MYO9B: variants seen among roughly 807,000 people sequenced by gnomAD.
The protein encoded by MYO9B is myosin IXB.
MYO9B carries 71 observed loss-of-function variants against 229.5 expected under a neutral mutation model. The observed-to-expected ratio is 0.31, with a 90% CI of 0.26 to 0.38. The LOEUF (loss-of-function observed/expected upper bound fraction) is 0.38, where lower values mean the gene tolerates loss of function less well. Among genes scored for constraint, MYO9B ranks in the 10% least tolerant of loss-of-function variants. The pLI, the probability that MYO9B is intolerant of heterozygous loss-of-function variation, is 1.00. For synonymous variants in MYO9B, 1,185 were observed against 1,235.8 expected (o/e 0.96, Z 0.86); for missense variants, 2,255 against 2,920.5 (o/e 0.77, Z 5.25).
At chr19:17,200,851 CA>C in intron 26 of MYO9B, 22 bp downstream of exon 26, 6 of 1,609,060 alleles carry the variant, frequency 3.7e-6, no homozygotes, top group Non-Finnish European at 5.1e-6. Flanking sequence ...AGGCGAGGGC[CA>C]GGGGCATGAG....
At chr19:17,145,106 C>T (rs767226959) in intron 2 of MYO9B, among the ~76,000 whole-genome samples, 6 of 151,894 alleles carry the variant, frequency 4.0e-5, no homozygotes, top group African/African-American at 1.2e-4. Context: ...GGTGAAACCC[C>T]GTCTCTACTA....
intron 2 of MYO9B, among the ~76,000 whole-genome samples, chr19:17,117,518 T>G (rs1429449067): frequency 6.6e-6 from 1 of 152,172 alleles, no homozygotes; most frequent in African/African-American, 2.4e-5. Context: ...AAGGGATGAC[T>G]TAGCAGTGGT....
intron 1 of MYO9B, among the ~76,000 whole-genome samples, chr19:17,086,344 G>A (rs1012849882): frequency 1.3e-5 from 2 of 152,184 alleles, no homozygotes. Flanking sequence ...CCTCGCCTGG[G>A]CTGCTGTCCT....
chr19:17,210,505 T>A lies in MYO9B; in HGVS notation c.5796+125T>A. ...GTCCTAACCTTCCGGAAGTGCATGC[T>A]GGGGAGGCCCCTTGCCTGCTGACCT... On this transcript the variant is annotated intron_variant, in intron 37 of 39. Coordinates refer to ENST00000682292, the MANE Select transcript of MYO9B (RefSeq NM_004145.4). 3.8e-6 allele frequency: 5 copies of A among 1,306,740 alleles called. No individual in the cohort carries two copies. The South Asian group carries it at 7.7e-5, about 20-fold the overall frequency. 80.9% of individuals were successfully genotyped at this position (1,306,740 alleles called of 1,614,324 possible).
chr19:17,104,392 G>A (rs1060367), intron 2 of MYO9B, among the ~76,000 whole-genome samples: 57,041 of 151,942 alleles, frequency 0.38, 11,587 homozygotes, highest in Middle Eastern at 0.51. Flanking sequence ...AGGAGCCCTC[G>A]ATGTGCCACT....
intron 37 of MYO9B, 165 bp downstream of exon 37, chr19:17,210,545 G>A (rs944546391): frequency 5.7e-6 from 7 of 1,231,008 alleles, no homozygotes; most frequent in African/African-American, 4.6e-5. Context: ...TGCTCAGGAC[G>A]ACTAATCGGC....
chr19:17,136,759 C>T (rs570769181), intron 2 of MYO9B, among the ~76,000 whole-genome samples: 1 of 152,176 alleles, frequency 6.6e-6, no homozygotes, highest in Admixed American at 6.6e-5. Flanking sequence ...CCGACCAGCC[C>T]CCTGGGTTTC....
At chr19:17,114,463 T>C (rs535816621) in intron 2 of MYO9B, among the ~76,000 whole-genome samples, 3 of 152,062 alleles carry the variant, frequency 2.0e-5, no homozygotes, top group African/African-American at 4.8e-5. Context: ...TCACCGATGA[T>C]GAAGCGGCCC....
chr19:17,085,205 G>T (rs1221125015), intron 1 of MYO9B, among the ~76,000 whole-genome samples: 4 of 152,108 alleles, frequency 2.6e-5, no homozygotes, highest in African/African-American at 7.2e-5. Context: ...CCACCATCCA[G>T]TTCCGCTCTC....
chr19:17,176,176 C>T (rs1053242285), intron 14 of MYO9B, among the ~76,000 whole-genome samples: 13 of 152,084 alleles, frequency 8.5e-5, no homozygotes, highest in Admixed American at 8.5e-4. Flanking sequence ...ACTACAGGCA[C>T]CCGCCACCAC....
rs374779936 is a variant in MYO9B at position 17,207,265 on chromosome 19, G to A, written c.5624+21G>A. 200 of 1,585,812 alleles carry A rather than the reference G, an allele frequency of 1.3e-4. No homozygotes were observed. The African/African-American group carries it at 1.7e-3, about 14-fold the overall frequency. On this transcript the variant is annotated intron_variant, in intron 35 of 39. Coordinates refer to ENST00000682292, the MANE Select transcript of MYO9B (RefSeq NM_004145.4). ...ACCACGTGAGTGCCCACCCTGCCCC[G>A]GAGGCATGCTCAGGGCAGCCCCACC... is the stretch of plus-strand genomic sequence containing the variant.
At position 17,207,178 on chromosome 19, in the gene MYO9B, G is replaced by T; in HGVS notation, c.5558G>T (p.Cys1853Phe). 6.2e-7 allele frequency: 1 copy of T among 1,605,328 alleles called. No homozygotes were observed. The highest frequency in any genetic ancestry group is 2.3e-5 in the East Asian group (1 of 44,356). The change falls in exon 35 of 40, where the codon TGC becomes TTC. Residue 1853 changes from cysteine to phenylalanine, a missense_variant. Physicochemically the swap from Cys to Phe is radical, Grantham distance 205 (BLOSUM62 -2). Transcript: ENST00000682292. ...PGALAIIFAP[C>F]LLRCPDNSDP... Reference sequence around the variant, plus strand: ...GCGCTGGCCATTATCTTCGCACCCTGCCTCCTGCGCTGCCCTGACAACTCG... The same window carrying T: ...GCGCTGGCCATTATCTTCGCACCCTTCCTCCTGCGCTGCCCTGACAACTCG...
At chr19:17,177,500 CA>C (rs1330868231) in intron 14 of MYO9B, 1 of 151,970 alleles carries the variant, frequency 6.6e-6, no homozygotes, top group Non-Finnish European at 1.5e-5. Context: ...CACACGCCAC[CA>C]CGCCTGGCTT....
intron 30 of MYO9B, among the ~76,000 whole-genome samples, chr19:17,203,612 CAA>C (rs5827362): frequency 1.1e-3 from 134 of 119,426 alleles, no homozygotes; most frequent in East Asian, 6.8e-3. Flanking sequence ...GACTCTGTCT[CAA>C]AAAAAAAAAA....
intron 13 of MYO9B, among the ~76,000 whole-genome samples, chr19:17,173,822 C>A (rs116436782): frequency 2.6e-3 from 402 of 152,194 alleles, no homozygotes; most frequent in African/African-American, 9.1e-3. Flanking sequence ...TTGAGTGGCT[C>A]ACCCAGGTCT....
intron 2 of MYO9B, among the ~76,000 whole-genome samples, chr19:17,124,641 T>C (rs1037863073): frequency 6.6e-6 from 1 of 150,630 alleles, no homozygotes; most frequent in African/African-American, 2.4e-5. Flanking sequence ...GCACCTGTAA[T>C]CCCAGCTACT....
At chr19:17,169,603 G>A (rs549118891) in intron 11 of MYO9B, among the ~76,000 whole-genome samples, 1 of 151,990 alleles carries the variant, frequency 6.6e-6, no homozygotes, top group African/African-American at 2.4e-5. Flanking sequence ...GAAGCTGGAA[G>A]TCTAAAGTCA....
intron 20 of MYO9B, among the ~76,000 whole-genome samples, chr19:17,192,343 C>G (rs990366792): frequency 2.7e-5 from 4 of 150,506 alleles, no homozygotes; most frequent in African/African-American, 9.8e-5. Context: ...CCTGTAATCC[C>G]AGCATTTTTG....
intron 33 of MYO9B, 132 bp from the exon 34 acceptor site, chr19:17,206,545 CCT>C: frequency 7.7e-7 from 1 of 1,290,326 alleles, no homozygotes; most frequent in Non-Finnish European, 1.1e-6. Flanking sequence ...GGCCAGGACA[CCT>C]CTGTAGCCAT....
Sources: gnomAD v4.1 joint callset for allele counts (sites outside exome capture counted in the v4.1 genomes callset) on GRCh38, gnomAD v4.1.1 for gene constraint, MANE v1.5 for transcripts, NCBI Gene and HGNC (gene_info 2026-07-23, HGNC 2026-07-21) for gene names.